RORA: variants seen among roughly 807,000 people sequenced by gnomAD.
The protein encoded by RORA is nuclear receptor ROR-alpha.
A neutral mutation model predicts 69.5 loss-of-function variants in RORA; 7 were observed. The ratio of observed to expected loss-of-function variants is 0.10; its 90% confidence interval spans 0.06 to 0.19. The LOEUF is 0.19. RORA is among the 10% of genes least tolerant of loss of function. The pLI is 1.00. For missense variants in RORA, 457 were observed against 663.0 expected (o/e 0.69, Z 3.41); for synonymous variants, 261 against 240.8 (o/e 1.08, Z -0.78).
chr15:60,740,764 T>C (rs1448173636), intron 1 of RORA, among the ~76,000 whole-genome samples: 1 of 152,198 alleles, frequency 6.6e-6, no homozygotes, highest in African/African-American at 2.4e-5. Flanking sequence ...ATGAGGTATT[T>C]CTTTTAACTG....
intron 1 of RORA, among the ~76,000 whole-genome samples, chr15:60,975,130 G>A (rs919214033): frequency 6.6e-6 from 1 of 152,184 alleles, no homozygotes; most frequent in African/African-American, 2.4e-5. Flanking sequence ...AGATAACTGT[G>A]GAGAGAGTCA....
chr15:60,758,290 T>C (rs1163769433), intron 1 of RORA, among the ~76,000 whole-genome samples: 1 of 152,176 alleles, frequency 6.6e-6, no homozygotes. Context: ...TTGCTAGGTA[T>C]AAAAGGGAGG....
intron 1 of RORA, among the ~76,000 whole-genome samples, chr15:60,871,479 G>T (rs1031257866): frequency 1.3e-5 from 2 of 152,190 alleles, no homozygotes; most frequent in African/African-American, 4.8e-5. Flanking sequence ...AAGGGCCATG[G>T]CCAGCCAGAC....
intron 1 of RORA, among the ~76,000 whole-genome samples, chr15:60,791,165 C>T (rs1490371372): frequency 6.6e-6 from 1 of 152,112 alleles, no homozygotes; most frequent in Admixed American, 6.5e-5. Flanking sequence ...TGAGTTCAGG[C>T]CTGATTCAGT....
intron 1 of RORA, among the ~76,000 whole-genome samples, chr15:61,219,438 G>A (rs4775375): frequency 0.028 from 4,338 of 152,242 alleles, 98 homozygotes; most frequent in African/African-American, 0.06. Flanking sequence ...ATCTGGGCGC[G>A]GTGGCTGGCG....
chr15:60,858,793 T>C (rs1238069644), intron 1 of RORA, among the ~76,000 whole-genome samples: 4 of 151,956 alleles, frequency 2.6e-5, no homozygotes, highest in Admixed American at 1.3e-4. Flanking sequence ...CAAAAAGTGC[T>C]GAGAATGGGA....
intron 2 of RORA, among the ~76,000 whole-genome samples, chr15:60,532,870 G>A (rs1378329059): frequency 1.3e-5 from 2 of 152,118 alleles, no homozygotes; most frequent in African/African-American, 4.8e-5. Context: ...TACCTACTGA[G>A]TTACACACAC....
chr15:61,184,521 G>C (rs1220898566), intron 1 of RORA, among the ~76,000 whole-genome samples: 1 of 152,154 alleles, frequency 6.6e-6, no homozygotes, highest in East Asian at 1.9e-4. Flanking sequence ...TGTTTCGGTA[G>C]TTGTAACACT....
rs114776126 is a variant in RORA at position 60,966,754 on chromosome 15, C to T, written c.166+262299G>A. Among the ~76,000 whole-genome samples, 862 of 152,310 alleles carry T rather than the reference C, an allele frequency of 5.7e-3. 8 individuals carry two copies. The highest frequency in any genetic ancestry group is 0.02 in the African/African-American group (820 of 41,572). ...GTTGCATCAGCCACAGAAGTAAACA[C>T]ATGCTAGCAACAACAGGCAGTCAAA... On this transcript the variant is annotated intron_variant, in intron 1 of 10. Coordinates refer to ENST00000335670, the MANE Select transcript of RORA (RefSeq NM_134261.3).
intron 1 of RORA, among the ~76,000 whole-genome samples, chr15:60,910,890 T>C (rs1891688893): frequency 6.9e-6 from 1 of 145,552 alleles, no homozygotes; most frequent in South Asian, 2.3e-4. Context: ...TTTTTTGTTG[T>C]TGTTGTTTTT....
intron 2 of RORA, among the ~76,000 whole-genome samples, chr15:60,532,126 G>T (rs1371082354): frequency 6.6e-6 from 1 of 152,140 alleles, no homozygotes; most frequent in Non-Finnish European, 1.5e-5. Flanking sequence ...AAGCCTTCAA[G>T]AACTGGAGAG....
chr15:60,592,984 G>A (rs1251467411), intron 2 of RORA: 1 of 454,296 alleles, frequency 2.2e-6, no homozygotes, highest in Non-Finnish European at 4.4e-6. Context: ...GACAGGTTTG[G>A]TCTGGGGAGC....
intron 1 of RORA, among the ~76,000 whole-genome samples, chr15:61,127,527 C>T (rs1044897384): frequency 6.6e-6 from 1 of 152,172 alleles, no homozygotes; most frequent in Non-Finnish European, 1.5e-5. Flanking sequence ...AATGGGCAGT[C>T]ACATCCCCTC....
rs113805205 is a variant in RORA at position 60,500,729 on chromosome 15, T to C, written c.1294+230A>G. Among the ~76,000 whole-genome samples, 1,656 of 152,318 alleles carry C rather than the reference T, an allele frequency of 0.011. 31 individuals carry two copies. The highest frequency in any genetic ancestry group is 0.038 in the African/African-American group (1,587 of 41,550). On this transcript the variant is annotated intron_variant, in intron 9 of 10. Transcript: ENST00000335670. ...CTGGATTTTGTTCAATTCTCATTTC[T>C]TTACATTTTGTCTGAAAGGCATGAG...
At chr15:60,514,997 C>T (rs1007750609) in intron 3 of RORA, among the ~76,000 whole-genome samples, 1 of 152,202 alleles carries the variant, frequency 6.6e-6, no homozygotes, top group African/African-American at 2.4e-5. Flanking sequence ...CTTCAACAGA[C>T]AGTTGCCCAT....
At chr15:60,991,215 T>G (rs1345262760) in intron 1 of RORA, among the ~76,000 whole-genome samples, 3 of 152,168 alleles carry the variant, frequency 2.0e-5, no homozygotes, top group Non-Finnish European at 4.4e-5. Context: ...CAAGCTGACT[T>G]CTAGCCAAAG....
At chr15:61,112,280 C>T (rs906093985) in intron 1 of RORA, among the ~76,000 whole-genome samples, 10 of 152,100 alleles carry the variant, frequency 6.6e-5, no homozygotes, top group Admixed American at 1.3e-4. Context: ...AGTATTGATC[C>T]GTCATGGACT....
intron 1 of RORA, among the ~76,000 whole-genome samples, chr15:61,025,101 C>A (rs72625742): frequency 1.3e-5 from 2 of 151,966 alleles, no homozygotes; most frequent in African/African-American, 4.8e-5. Flanking sequence ...ACAGACAGGA[C>A]GCAAACCCAT....
intron 1 of RORA, among the ~76,000 whole-genome samples, chr15:61,064,506 G>C (rs1434900377): frequency 6.6e-6 from 1 of 152,168 alleles, no homozygotes; most frequent in Non-Finnish European, 1.5e-5. Flanking sequence ...TTAGAACCAA[G>C]AGAGTCATCA....
Sources: allele counts gnomAD v4.1 joint callset (sites outside exome capture counted in the v4.1 genomes callset), GRCh38; gene constraint gnomAD v4.1.1; transcripts MANE v1.5; gene names NCBI Gene and HGNC (gene_info 2026-07-23, HGNC 2026-07-21).